SLC45A2: variants seen among roughly 807,000 people sequenced by gnomAD.
The protein encoded by SLC45A2 is solute carrier family 45 member 2.
In SLC45A2, 36 loss-of-function variants were observed where a neutral mutation model predicts 45.5. The ratio of observed to expected loss-of-function variants is 0.79; its 90% confidence interval spans 0.61 to 1.04. SLC45A2 has a LOEUF of 1.04. SLC45A2 is among the 50% of genes least tolerant of loss of function. The pLI is 0.00. For synonymous variants in SLC45A2, 306 were observed against 269.3 expected (o/e 1.14, Z -1.33); for missense variants, 719 against 671.0 (o/e 1.07, Z -0.79).
Position 33,984,223 on chromosome 5 carries a change from G to C in SLC45A2, c.361C>G (p.Leu121Val). ...VMMLVGMALY[L>V]NGATVVAALI... is the part of the protein sequence containing the mutation. ...CCTGCTACAACAGTAGCCCCATTGA[G>C]GTACAGAGCCATGCCCACGAGCATC... Residue 121 changes from leucine to valine, a missense_variant, in exon 1 of 7, where the codon CTC becomes GTC. Leu to Val is a conservative substitution (Grantham distance 32). Transcript: ENST00000296589. The C allele has an allele frequency of 6.2e-7, 1 of 1,614,088 alleles. No individual in the cohort carries two copies.
At chr5:33,945,542 GT>G (rs35895021) in intron 6 of SLC45A2, among the ~76,000 whole-genome samples, 11,754 of 149,080 alleles carry the variant, frequency 0.079, 1,616 homozygotes, top group East Asian at 0.49. Context: ...CTGGGCCTGG[GT>G]TTTTTTTTTA....
At chr5:33,956,386 C>G (rs1752276760) in intron 3 of SLC45A2, among the ~76,000 whole-genome samples, 1 of 152,134 alleles carries the variant, frequency 6.6e-6, no homozygotes, top group African/African-American at 2.4e-5. Flanking sequence ...AGAGCAATGG[C>G]TACCGAGAGG....
chr5:33,953,062 A>C (rs1271043462), intron 4 of SLC45A2, among the ~76,000 whole-genome samples: 1 of 119,738 alleles, frequency 8.4e-6, no homozygotes, highest in Non-Finnish European at 1.7e-5. Flanking sequence ...CATGGTGTAT[A>C]TGTGCCACAT....
intron 2 of SLC45A2, among the ~76,000 whole-genome samples, chr5:33,978,780 A>G (rs569638934): frequency 1.3e-5 from 2 of 152,222 alleles, no homozygotes; most frequent in South Asian, 4.2e-4. Flanking sequence ...AACTCAAACA[A>G]CTTGGGCAAC....
chr5:33,955,493 T>A lies in SLC45A2; in HGVS notation c.889-989A>T, dbSNP rs189381633. On this transcript the variant is annotated intron_variant, in intron 3 of 6. Transcript: ENST00000296589. ...GAAAATTTTTTATTCATTAGAACAT[T>A]AATACAGAGAGCCAGTCAGCTCCCT... is the stretch of plus-strand genomic sequence containing the variant. Among the ~76,000 whole-genome samples the A allele has an allele frequency of 2.2e-4, 34 of 152,320 alleles. 1 individual carries two copies. The highest frequency in any genetic ancestry group is 7.9e-4 in the African/African-American group (33 of 41,576).
rs143764115 is a variant in SLC45A2, at chr5:33,951,601, C to A, written c.1109G>T (p.Gly370Val). Reference protein sequence around the residue: ...FLIYERGVEVGCWGLCINSVF... With the variant: ...FLIYERGVEVVCWGLCINSVF... ...GGAGTTGATGCACAAGCCCCAACAT[C>A]CAACCTCGACTCCTCTTTCGTAGAT... Residue 370 changes from glycine (G) to valine (V), a missense_variant, in exon 5 of 7, where the codon GGA becomes GTA. Gly to Val is a moderately radical substitution (Grantham distance 109). Transcript: ENST00000296589. 2 of 1,614,066 alleles carry A rather than the reference C, an allele frequency of 1.2e-6. No homozygotes were observed. Among genetic ancestry groups the A allele is most frequent in the Non-Finnish European group, 1.7e-6 (2 of 1,180,034 alleles).
chr5:33,967,083 C>G (rs541680025), intron 2 of SLC45A2, among the ~76,000 whole-genome samples: 4 of 152,292 alleles, frequency 2.6e-5, no homozygotes, highest in South Asian at 4.1e-4. Flanking sequence ...TGCTGACTTC[C>G]TATAGTAACC....
rs1182548069 is a variant in SLC45A2, at chr5:33,944,825, C to T, written c.1416G>A (p.Lys472=). Residue 472 remains lysine, a synonymous_variant, in exon 7 of 7, where the codon AAG becomes AAA. Coordinates refer to ENST00000296589, the MANE Select transcript of SLC45A2 (RefSeq NM_016180.5). ...GGDPDNSVRG[K]GMDCATLTCM... Reference sequence around the variant, plus strand: ...ATGTGAGGGTGGCGCAGTCCATGCCCTTCCCTCTCACGCTGTTGTCTGGGT... The same window carrying T: ...ATGTGAGGGTGGCGCAGTCCATGCCTTTCCCTCTCACGCTGTTGTCTGGGT... 3.7e-6 allele frequency: 6 copies of T among 1,614,006 alleles called. No homozygotes were observed. In the African/African-American group the frequency reaches 8.0e-5, roughly 22 times the overall value.
At chr5:33,964,097 G>A in intron 2 of SLC45A2, 81 bp from the exon 3 acceptor site, 1 of 1,452,804 alleles carries the variant, frequency 6.9e-7, no homozygotes, top group Non-Finnish European at 9.5e-7. Flanking sequence ...CCCCTTCAGT[G>A]GGAAAACTCC....
At chr5:33,963,647 G>A (rs1053445274) in intron 3 of SLC45A2, 44 bp downstream of exon 3, 1 of 1,584,180 alleles carries the variant, frequency 6.3e-7, no homozygotes, top group East Asian at 2.2e-5. Flanking sequence ...ACAACAAAGA[G>A]CAAGAATATT....
intron 6 of SLC45A2, 121 bp downstream of exon 6, chr5:33,947,042 G>A (rs1347506722): frequency 3.7e-6 from 6 of 1,607,738 alleles, no homozygotes; most frequent in Non-Finnish European, 5.1e-6. Context: ...TTGGGCATTT[G>A]ACTGTTGCTG....
chr5:33,957,327 T>G (rs1267023067), intron 3 of SLC45A2, among the ~76,000 whole-genome samples: 1 of 152,206 alleles, frequency 6.6e-6, no homozygotes, highest in Non-Finnish European at 1.5e-5. Flanking sequence ...TGAGATTTTC[T>G]ATTTTAACTG....
intron 3 of SLC45A2, 129 bp downstream of exon 3, chr5:33,963,562 T>A: frequency 9.8e-7 from 1 of 1,020,190 alleles, no homozygotes; most frequent in Non-Finnish European, 1.5e-6. Context: ...CTACGGGGGA[T>A]TTGGGAATTC....
Position 33,947,293 on chromosome 5 carries a change from C to T in SLC45A2, c.1238G>A (p.Gly413Glu), listed in dbSNP as rs1384394789. Reference protein sequence around the residue: ...TGYLLFGLGTGFIGLFPNVYS... With the variant: ...TGYLLFGLGTEFIGLFPNVYS... ...GACATTCGGGAAGAGCCCAATAAAT[C>T]CCGTCCCCAGGCCAAACAGCAAATA... The change falls in exon 6 of 7, where the codon GGA (glycine) becomes GAA (glutamate). Residue 413 changes from glycine (G) to glutamate (E), a missense_variant. Physicochemically the swap from Gly to Glu is moderately conservative, Grantham distance 98. Transcript: ENST00000296589. 3.1e-6 allele frequency: 5 copies of T among 1,614,208 alleles called. No individual in the cohort carries two copies. Among genetic ancestry groups the T allele is most frequent in the Admixed American group, 1.7e-5 (1 of 60,026 alleles).
intron 2 of SLC45A2, among the ~76,000 whole-genome samples, chr5:33,969,310 T>A (rs1368066084): frequency 1.3e-5 from 2 of 151,280 alleles, no homozygotes; most frequent in African/African-American, 2.4e-5. Context: ...AAAAAAAAAA[T>A]GATACATATG....
At chr5:33,960,830 A>G (rs1752434080) in intron 3 of SLC45A2, among the ~76,000 whole-genome samples, 1 of 152,186 alleles carries the variant, frequency 6.6e-6, no homozygotes, top group African/African-American at 2.4e-5. Flanking sequence ...CTGTTTACCT[A>G]ACAGTATTGA....
rs768464863 is a variant in SLC45A2, at chr5:33,984,531, T to G, written c.53A>C (p.Asp18Ala). ...CTCCACAGAGTCAAAGGGGCCATCA[T>G]CAGCTAGGGATTTATAGATGTGGCG... ...AGRHIYKSLA[D>A]DGPFDSVEPP... The change falls in exon 1 of 7, where the codon GAT (aspartate) becomes GCT (alanine). Residue 18 changes from aspartate (D) to alanine (A), a missense_variant. Asp to Ala is a moderately radical substitution (Grantham distance 126). Transcript: ENST00000296589. The G allele has an allele frequency of 6.2e-7, 1 of 1,612,826 alleles. No homozygotes were observed. Among genetic ancestry groups the G allele is most frequent in the South Asian group, 1.1e-5 (1 of 91,082 alleles).
intron 2 of SLC45A2, among the ~76,000 whole-genome samples, chr5:33,974,391 A>T (rs906901245): frequency 8.6e-5 from 13 of 151,974 alleles, no homozygotes; most frequent in African/African-American, 3.1e-4. Context: ...TTGGTAATGA[A>T]CCCTTGGATG....
chr5:33,962,535 C>A (rs1471354174), intron 3 of SLC45A2, among the ~76,000 whole-genome samples: 1 of 152,206 alleles, frequency 6.6e-6, no homozygotes, highest in African/African-American at 2.4e-5. Context: ...GTGCTTAAGG[C>A]ACTCTAGTGT....
Sources: gnomAD v4.1 joint callset for allele counts (sites outside exome capture counted in the v4.1 genomes callset) on GRCh38, gnomAD v4.1.1 for gene constraint, MANE v1.5 for transcripts, NCBI Gene and HGNC (gene_info 2026-07-23, HGNC 2026-07-21) for gene names.